KCNIP4: variants seen among roughly 807,000 people sequenced by gnomAD.
KCNIP4 encodes the protein potassium voltage-gated channel interacting protein 4.
A neutral mutation model predicts 34.0 loss-of-function variants in KCNIP4; 12 were observed. That is an observed-to-expected ratio of 0.35 (90% CI 0.23 to 0.57). KCNIP4 has a LOEUF of 0.57. KCNIP4 is among the 20% of genes least tolerant of loss of function. KCNIP4 has a pLI of 0.83. For missense variants in KCNIP4, 238 were observed against 311.7 expected (o/e 0.76, Z 1.78); for synonymous variants, 124 against 102.2 (o/e 1.21, Z -1.29).
At chr4:21,829,239 T>A (rs755149622) in intron 1 of KCNIP4, among the ~76,000 whole-genome samples, 1 of 151,970 alleles carries the variant, frequency 6.6e-6, no homozygotes, top group African/African-American at 2.4e-5. Flanking sequence ...TAGAGTTACA[T>A]CTTGATAACC....
intron 1 of KCNIP4, among the ~76,000 whole-genome samples, chr4:21,513,666 C>T (rs1054633384): frequency 6.6e-6 from 1 of 152,194 alleles, no homozygotes; most frequent in African/African-American, 2.4e-5. Flanking sequence ...GAACCTTCAG[C>T]CTTCACGTGG....
At chr4:21,071,438 G>A (rs1193147796) in intron 1 of KCNIP4, among the ~76,000 whole-genome samples, 1 of 151,980 alleles carries the variant, frequency 6.6e-6, no homozygotes, top group African/African-American at 2.4e-5. Context: ...TCTTTGTTCT[G>A]TTTCTTTAAT....
At chr4:21,269,459 G>T (rs557932919) in intron 1 of KCNIP4, among the ~76,000 whole-genome samples, 1 of 152,194 alleles carries the variant, frequency 6.6e-6, no homozygotes, top group East Asian at 1.9e-4. Flanking sequence ...AGGTTGGAGT[G>T]CAGTGGTGTG....
chr4:21,175,915 A>G (rs1754370988), intron 1 of KCNIP4, among the ~76,000 whole-genome samples: 1 of 152,162 alleles, frequency 6.6e-6, no homozygotes, highest in Non-Finnish European at 1.5e-5. Flanking sequence ...GTCTTCCAGT[A>G]CTTTTCCATT....
intron 1 of KCNIP4, among the ~76,000 whole-genome samples, chr4:21,317,353 A>G (rs1178530697): frequency 6.6e-6 from 1 of 152,172 alleles, no homozygotes; most frequent in African/African-American, 2.4e-5. Flanking sequence ...AAATATGTTT[A>G]CTATTCTGTG....
At chr4:21,520,907 C>G (rs546427555) in intron 1 of KCNIP4, among the ~76,000 whole-genome samples, 1 of 152,040 alleles carries the variant, frequency 6.6e-6, no homozygotes, top group African/African-American at 2.4e-5. Flanking sequence ...ATAAAGATAC[C>G]GGAGCATTCT....
intron 1 of KCNIP4, among the ~76,000 whole-genome samples, chr4:20,905,439 T>C (rs759823681): frequency 2.0e-5 from 3 of 151,814 alleles, no homozygotes; most frequent in Non-Finnish European, 4.4e-5. Context: ...AGAGTTCCCA[T>C]GCATGAATTT....
intron 1 of KCNIP4, among the ~76,000 whole-genome samples, chr4:21,302,045 A>T (rs1465756506): frequency 6.6e-6 from 1 of 152,170 alleles, no homozygotes; most frequent in Non-Finnish European, 1.5e-5. Flanking sequence ...AAAGTTTCTG[A>T]GATAGTGCAT....
Position 21,142,300 on chromosome 4 carries a change from C to T in KCNIP4, c.62-259591G>A, listed in dbSNP as rs139870161. On this transcript the variant is annotated intron_variant, in intron 1 of 8. Coordinates refer to ENST00000382152, the MANE Select transcript of KCNIP4 (RefSeq NM_025221.6). ...TTATTTGTTCGGTGAATAGTTTGAT[C>T]TGAAATGAAAAAGAGCTTAGGCCAC... Among the ~76,000 whole-genome samples the T allele has an allele frequency of 7.2e-5, 11 of 152,124 alleles. No homozygotes were observed. The East Asian group carries it at 2.1e-3, about 29-fold the overall frequency.
intron 1 of KCNIP4, among the ~76,000 whole-genome samples, chr4:20,923,203 T>C (rs148730867): frequency 2.4e-4 from 36 of 152,340 alleles, no homozygotes; most frequent in Non-Finnish European, 3.4e-4. Context: ...TCACAAGTTG[T>C]ATTTCTATTC....
intron 1 of KCNIP4, among the ~76,000 whole-genome samples, chr4:21,652,939 G>T (rs372656586): frequency 1.3e-5 from 2 of 152,124 alleles, no homozygotes; most frequent in South Asian, 4.1e-4. Flanking sequence ...AACAGAGAAA[G>T]GTTTCCATTT....
intron 1 of KCNIP4, among the ~76,000 whole-genome samples, chr4:21,575,131 G>A (rs10012127): frequency 0.11 from 17,432 of 152,210 alleles, 1,093 homozygotes; most frequent in African/African-American, 0.14. Context: ...CTCTGTGGGA[G>A]AGGAGGTGAT....
At chr4:21,399,578 G>A (rs1199136654) in intron 1 of KCNIP4, among the ~76,000 whole-genome samples, 1 of 151,248 alleles carries the variant, frequency 6.6e-6, no homozygotes, top group Non-Finnish European at 1.5e-5. Context: ...TGGCTTTTAA[G>A]TCACTCAAGT....
intron 1 of KCNIP4, among the ~76,000 whole-genome samples, chr4:21,434,202 C>T (rs1726749071): frequency 6.6e-6 from 1 of 152,152 alleles, no homozygotes; most frequent in African/African-American, 2.4e-5. Context: ...ATTCATGTTA[C>T]AATTGAATAA....
intron 1 of KCNIP4, among the ~76,000 whole-genome samples, chr4:21,329,772 G>C (rs1294952132): frequency 6.6e-6 from 1 of 152,164 alleles, no homozygotes; most frequent in African/African-American, 2.4e-5. Context: ...ATACCATGCA[G>C]GTAGAAAGAT....
At chr4:21,657,811 A>G (rs184220967) in intron 1 of KCNIP4, among the ~76,000 whole-genome samples, 20 of 151,614 alleles carry the variant, frequency 1.3e-4, no homozygotes, top group African/African-American at 4.6e-4. Flanking sequence ...GCAAAGTGTT[A>G]TTAGTGTTTT....
At chr4:21,015,803 A>G (rs1577538645) in intron 1 of KCNIP4, among the ~76,000 whole-genome samples, 1 of 137,120 alleles carries the variant, frequency 7.3e-6, no homozygotes, top group East Asian at 2.0e-4. Flanking sequence ...ATATAAATAT[A>G]TACTATATAT....
intron 1 of KCNIP4, among the ~76,000 whole-genome samples, chr4:21,939,147 C>G (rs111789606): frequency 1.3e-5 from 2 of 152,024 alleles, no homozygotes; most frequent in Admixed American, 1.3e-4. Context: ...TTAGTTTTAC[C>G]CTTTTACAGT....
chr4:21,210,914 T>G (rs1247937221), intron 1 of KCNIP4, among the ~76,000 whole-genome samples: 1 of 152,182 alleles, frequency 6.6e-6, no homozygotes, highest in Non-Finnish European at 1.5e-5. Context: ...ACACTGAAAC[T>G]GATGATGCCC....
Sources: allele counts gnomAD v4.1 joint callset (sites outside exome capture counted in the v4.1 genomes callset), GRCh38; gene constraint gnomAD v4.1.1; transcripts MANE v1.5; gene names NCBI Gene and HGNC (gene_info 2026-07-23, HGNC 2026-07-21).